GSE1: variants seen among roughly 807,000 people sequenced by gnomAD.
GSE1 encodes the protein Gse1 coiled-coil protein, also known as genetic suppressor element 1.
In GSE1, 32 loss-of-function variants were observed where a neutral mutation model predicts 112.6. That is an observed-to-expected ratio of 0.28 (90% CI 0.21 to 0.38). The LOEUF (loss-of-function observed/expected upper bound fraction) is 0.38, where lower values mean the gene tolerates loss of function less well. Ranked by LOEUF, GSE1 falls within the 10% of genes least tolerant of loss-of-function variation. The pLI is 1.00. For synonymous variants in GSE1, 1,115 were observed against 735.6 expected, an observed-to-expected ratio of 1.52 and a Z score of -8.35; for missense variants, 2,348 against 1,699.2, an observed-to-expected ratio of 1.38 and a Z score of -6.71.
Position 85,672,561 on chromosome 16 carries a change from G to T in GSE1, c.*22G>T. 1 of 1,543,344 alleles carries T rather than the reference G, an allele frequency of 6.5e-7. No individual in the cohort carries two copies. Among genetic ancestry groups the T allele is most frequent in the Non-Finnish European group, 8.9e-7 (1 of 1,127,910 alleles). On this transcript the variant is annotated 3_prime_UTR_variant, in exon 16 of 16. Transcript: ENST00000253458. The stretch of plus-strand genomic sequence containing the variant: ...GTGACGGTTTCCCTTGCACTAGGCC[G>T]AACCTATAGTATAGAAATATTATCT...
intron 2 of GSE1, among the ~76,000 whole-genome samples, chr16:85,456,579 C>CGT (rs35279881): frequency 0.095 from 8,680 of 91,290 alleles, 526 homozygotes; most frequent in Non-Finnish European, 0.11. Context: ...ATTTTCCTGC[C>CGT]GTGTGTGTGT....
chr16:85,328,797 C>T (rs1280006675), intron 1 of GSE1, among the ~76,000 whole-genome samples: 1 of 2,666 alleles, frequency 3.8e-4, no homozygotes, highest in African/African-American at 2.0e-3. Context: ...GGCTGGGCGT[C>T]CCCGCCCCGG....
intron 2 of GSE1, among the ~76,000 whole-genome samples, chr16:85,408,032 C>T (rs1286382920): frequency 6.1e-5 from 3 of 49,138 alleles, no homozygotes; most frequent in African/African-American, 2.3e-4. Flanking sequence ...ACACTCAGGG[C>T]CCCCCTGGAT....
intron 1 of GSE1, among the ~76,000 whole-genome samples, chr16:85,562,327 G>C (rs2045558312): frequency 6.6e-6 from 1 of 152,202 alleles, no homozygotes; most frequent in African/African-American, 2.4e-5. Flanking sequence ...CTGCAGCCCA[G>C]CCCTTTTCCG....
intron 1 of GSE1, among the ~76,000 whole-genome samples, chr16:85,228,509 G>A (rs1029915904): frequency 2.0e-5 from 3 of 152,216 alleles, no homozygotes; most frequent in African/African-American, 7.2e-5. Flanking sequence ...GGGTGTTTAC[G>A]CTCCCCAGCC....
At chr16:85,424,803 G>A (rs893116399) in intron 2 of GSE1, among the ~76,000 whole-genome samples, 2 of 152,388 alleles carry the variant, frequency 1.3e-5, no homozygotes, top group South Asian at 2.1e-4. Flanking sequence ...GTGGCATGGC[G>A]AGGGCCGCTG....
intron 2 of GSE1, among the ~76,000 whole-genome samples, chr16:85,359,998 C>G (rs548437066): frequency 3.2e-4 from 49 of 152,350 alleles, no homozygotes; most frequent in African/African-American, 1.1e-3. Context: ...TGTACCACCA[C>G]AGCCCAGCCT....
chr16:85,377,353 C>T (rs2047443400), intron 2 of GSE1, among the ~76,000 whole-genome samples: 1 of 152,172 alleles, frequency 6.6e-6, no homozygotes, highest in Non-Finnish European at 1.5e-5. Context: ...GGCTCCTGGC[C>T]CCCCTTGCCA....
chr16:85,290,910 G>A (rs2045190446), intron 1 of GSE1, among the ~76,000 whole-genome samples: 1 of 152,156 alleles, frequency 6.6e-6, no homozygotes, highest in Non-Finnish European at 1.5e-5. Flanking sequence ...CTGAGAGCAA[G>A]CAGTTGGGGA....
At chr16:85,279,772 A>G (rs2044800425) in intron 1 of GSE1, among the ~76,000 whole-genome samples, 1 of 152,064 alleles carries the variant, frequency 6.6e-6, no homozygotes, top group African/African-American at 2.4e-5. Context: ...TCTCAACTCC[A>G]ACTTCTCTGT....
intron 2 of GSE1, among the ~76,000 whole-genome samples, chr16:85,506,171 C>T: frequency 6.6e-6 from 1 of 152,146 alleles, no homozygotes; most frequent in Middle Eastern, 3.2e-3. Flanking sequence ...AGCGGAACTT[C>T]CTGCATCCAT....
chr16:85,479,064 C>T (rs2050590928), intron 2 of GSE1, among the ~76,000 whole-genome samples: 1 of 148,030 alleles, frequency 6.8e-6, no homozygotes, highest in Admixed American at 6.8e-5. Flanking sequence ...CTCTGTCGCC[C>T]AGGCTGGAGT....
Position 85,425,953 on chromosome 16 carries a change from C to T in GSE1, c.2464+68310C>T, listed in dbSNP as rs374547268. On this transcript the variant is annotated intron_variant, in intron 2 of 2. Coordinates refer to the GSE1 transcript ENST00000637419. The stretch of plus-strand genomic sequence containing the variant: ...TTGTTCAGCTTGTCAGTGGCGAGGC[C>T]GGGATTCAAACTTTAGACAGTCATG... 4.7e-4 allele frequency among the ~76,000 whole-genome samples: 72 copies of T among 152,224 alleles called. 1 individual carries two copies. The highest frequency in any genetic ancestry group is 2.3e-3 in the East Asian group (12 of 5,172).
chr16:85,613,199 C>A, upstream of GSE1: 1 of 1,433,508 alleles, frequency 7.0e-7, no homozygotes, highest in Non-Finnish European at 9.1e-7. Context: ...GAGTGGGCGG[C>A]GTTGCGTTTG....
At chr16:85,644,084 G>A (rs1178677890) in intron 2 of GSE1, among the ~76,000 whole-genome samples, 1 of 152,132 alleles carries the variant, frequency 6.6e-6, no homozygotes, top group Non-Finnish European at 1.5e-5. Flanking sequence ...TCCCAGCACT[G>A]TGGGCAACTG....
intron 1 of GSE1, among the ~76,000 whole-genome samples, chr16:85,559,864 C>A (rs1022906348): frequency 2.0e-5 from 3 of 152,108 alleles, no homozygotes; most frequent in Non-Finnish European, 4.4e-5. Flanking sequence ...ATTATAATGG[C>A]CAAGCTGAGT....
Position 85,269,191 on chromosome 16 carries a change from A to C in GSE1, c.2284-88272A>C, listed in dbSNP as rs568398007. Among the ~76,000 whole-genome samples the C allele has an allele frequency of 8.7e-5, 13 of 149,440 alleles. No individual in the cohort carries two copies. In the East Asian group the frequency reaches 2.3e-3, roughly 27 times the overall value. ...CATCTAATATGGAGAGATGAAAATA[A>C]ATGAGCCACCCCCACCTCCAATTTA... On this transcript the variant is annotated intron_variant, in intron 1 of 2. Coordinates refer to the GSE1 transcript ENST00000637419.
At chr16:85,341,213 TAAAC>T (rs1364542718) in intron 1 of GSE1, among the ~76,000 whole-genome samples, 1 of 151,852 alleles carries the variant, frequency 6.6e-6, no homozygotes, top group Non-Finnish European at 1.5e-5. Context: ...TTTTTTTAAA[TAAAC>T]AGGGTGTTGT....
chr16:85,622,768 G>A (rs571525113), intron 1 of GSE1, among the ~76,000 whole-genome samples: 54 of 152,300 alleles, frequency 3.5e-4, no homozygotes, highest in African/African-American at 1.3e-3. Flanking sequence ...CTTCATAGGC[G>A]TCCCCTGAAG....
Sources: allele counts gnomAD v4.1 joint callset (sites outside exome capture counted in the v4.1 genomes callset), GRCh38; gene constraint gnomAD v4.1.1; transcripts MANE v1.5; gene names NCBI Gene and HGNC (gene_info 2026-07-23, HGNC 2026-07-21).